The following NRCAM variants were observed in gnomAD, a reference collection of about 807,000 sequenced individuals.
NRCAM encodes the protein NgCAM-related cell adhesion molecule.
NRCAM carries 83 observed loss-of-function variants against 156.5 expected under a neutral mutation model. That is an observed-to-expected ratio of 0.53 (90% CI 0.44 to 0.64). The LOEUF (loss-of-function observed/expected upper bound fraction) is 0.64. Ranked by LOEUF, NRCAM falls within the 30% of genes least tolerant of loss-of-function variation. NRCAM has a pLI of 0.00. For synonymous variants in NRCAM, 538 were observed against 563.9 expected (o/e 0.95, Z 0.65); for missense variants, 1,417 against 1,597.3 (o/e 0.89, Z 1.92).
At chr7:108,166,248 C>CTT (rs1034778488) in intron 30 of NRCAM, among the ~76,000 whole-genome samples, 8 of 130,064 alleles carry the variant, frequency 6.2e-5, no homozygotes, top group South Asian at 2.4e-4. Context: ...TCTTTCTTTT[C>CTT]TTTTTTTTTT....
intron 1 of NRCAM, among the ~76,000 whole-genome samples, chr7:108,408,654 T>A (rs1309715752): frequency 6.6e-6 from 1 of 152,240 alleles, no homozygotes; most frequent in Admixed American, 6.5e-5. Context: ...TATTTAATAT[T>A]AGCTCACATA....
At chr7:108,241,461 G>T (rs780724159) in intron 3 of NRCAM, among the ~76,000 whole-genome samples, 1 of 152,192 alleles carries the variant, frequency 6.6e-6, no homozygotes, top group Non-Finnish European at 1.5e-5. Flanking sequence ...AGGTGGGAGG[G>T]ATGTTATTAT....
At chr7:108,454,756 C>T (rs1854537861) in intron 1 of NRCAM, among the ~76,000 whole-genome samples, 1 of 152,230 alleles carries the variant, frequency 6.6e-6, no homozygotes, top group East Asian at 1.9e-4. Flanking sequence ...ACAACCAATG[C>T]TTCCTGCCTC....
intron 1 of NRCAM, among the ~76,000 whole-genome samples, chr7:108,425,531 A>T (rs1816074489): frequency 1.3e-5 from 2 of 152,190 alleles, no homozygotes; most frequent in Admixed American, 1.3e-4. Context: ...CTCACAATCT[A>T]TTATGAGTCT....
chr7:108,294,918 T>C (rs2098422560), intron 3 of NRCAM, among the ~76,000 whole-genome samples: 1 of 152,206 alleles, frequency 6.6e-6, no homozygotes, highest in Non-Finnish European at 1.5e-5. Flanking sequence ...TCTGGCTCAT[T>C]ATTACATTAG....
chr7:108,363,350 C>T (rs1226855174), intron 2 of NRCAM, among the ~76,000 whole-genome samples: 3 of 152,016 alleles, frequency 2.0e-5, no homozygotes, highest in Non-Finnish European at 2.9e-5. Context: ...CATAGTACGA[C>T]GTTGGCTTCC....
chr7:108,406,112 G>T (rs538848074), intron 1 of NRCAM, among the ~76,000 whole-genome samples: 2 of 152,142 alleles, frequency 1.3e-5, no homozygotes, highest in East Asian at 3.9e-4. Flanking sequence ...TGTGACCATG[G>T]TAAATACTGT....
At chr7:108,368,759 A>C (rs576788782) in intron 2 of NRCAM, among the ~76,000 whole-genome samples, 2 of 152,320 alleles carry the variant, frequency 1.3e-5, no homozygotes, top group East Asian at 3.9e-4. Flanking sequence ...AGCAAATAGC[A>C]TGAGAAACCG....
At chr7:108,228,826 A>G (rs1314662621) in intron 8 of NRCAM, among the ~76,000 whole-genome samples, 1 of 152,238 alleles carries the variant, frequency 6.6e-6, no homozygotes, top group Non-Finnish European at 1.5e-5. Context: ...CATTTGGCTT[A>G]CTACTTATTT....
intron 3 of NRCAM, among the ~76,000 whole-genome samples, chr7:108,257,911 G>A (rs913397388): frequency 1.3e-5 from 2 of 151,886 alleles, no homozygotes; most frequent in African/African-American, 2.4e-5. Flanking sequence ...TCTTCTTCAC[G>A]TGCCACACTG....
intron 1 of NRCAM, among the ~76,000 whole-genome samples, chr7:108,420,526 G>C (rs1463725077): frequency 6.6e-6 from 1 of 152,148 alleles, no homozygotes. Context: ...TTACAAGGGG[G>C]GGAGTTTCTC....
At chr7:108,336,170 C>T (rs1241377054) in intron 2 of NRCAM, among the ~76,000 whole-genome samples, 2 of 152,060 alleles carry the variant, frequency 1.3e-5, no homozygotes, top group African/African-American at 4.8e-5. Context: ...TAATACCATC[C>T]AACTCATTTA....
chr7:108,192,489 C>G lies in NRCAM; in HGVS notation c.1779-636G>C, dbSNP rs2072557071. Among the ~76,000 whole-genome samples, 3 of 152,136 alleles carry G rather than the reference C, an allele frequency of 2.0e-5. No individual in the cohort carries two copies. In the South Asian group the frequency reaches 6.2e-4, roughly 32 times the overall value. On this transcript the variant is annotated intron_variant, in intron 17 of 32. Coordinates refer to ENST00000379028, the MANE Select transcript of NRCAM (RefSeq NM_001037132.4). ...CATCCTGAAGCCATTGTGCCCCCAC[C>G]CTGTCCGTGGAAAAACTGTCTTCCA... is the stretch of plus-strand genomic sequence containing the variant.
rs539178780 is a variant in NRCAM at position 108,230,355 on chromosome 7, C to T, written c.550+676G>A. Among the ~76,000 whole-genome samples, 9 of 152,128 alleles carry T rather than the reference C, an allele frequency of 5.9e-5. No homozygotes were observed. In the South Asian group the frequency reaches 1.9e-3, roughly 32 times the overall value. ...CCAACAAATTTCATCTAGATTACAGCAGTGGCCCCAACAGTCTCTCTACTC... is the reference window on the plus strand; with the variant it reads ...CCAACAAATTTCATCTAGATTACAGTAGTGGCCCCAACAGTCTCTCTACTC... On this transcript the variant is annotated intron_variant, in intron 8 of 32. Coordinates refer to ENST00000379028, the MANE Select transcript of NRCAM (RefSeq NM_001037132.4).
chr7:108,239,832 C>A, intron 4 of NRCAM, 127 bp downstream of exon 4: 1 of 574,914 alleles, frequency 1.7e-6, no homozygotes. Flanking sequence ...AGGTAAAAGC[C>A]AAATTAATTT....
chr7:108,403,889 A>G (rs931237505), intron 1 of NRCAM, among the ~76,000 whole-genome samples: 1 of 152,218 alleles, frequency 6.6e-6, no homozygotes. Context: ...TCTCTGAAGA[A>G]GATCTCAACT....
intron 28 of NRCAM, 21 bp from the exon 29 acceptor site, chr7:108,168,423 TAAAA>T: frequency 6.3e-7 from 1 of 1,576,038 alleles, no homozygotes; most frequent in Non-Finnish European, 8.6e-7. Context: ...AATAGAAAAA[TAAAA>T]CAAACAATCA....
At chr7:108,284,792 C>T (rs1350080298) in intron 3 of NRCAM, among the ~76,000 whole-genome samples, 1 of 152,244 alleles carries the variant, frequency 6.6e-6, no homozygotes, top group Non-Finnish European at 1.5e-5. Context: ...CTTCACTACA[C>T]TTGTTTACAA....
chr7:108,189,718 T>C lies in NRCAM; in HGVS notation c.1962A>G (p.Glu654=). 2 of 1,541,484 alleles carry C rather than the reference T, an allele frequency of 1.3e-6. 1 individual carries two copies. Among genetic ancestry groups the C allele is most frequent in the South Asian group, 2.3e-5 (2 of 88,448 alleles). Reference sequence around the variant, plus strand: ...CACTTTTGTCAAGTTGATCTGTCAGTTCTAAGTCAAAGGGAGGATTTGGGA... The same window carrying C: ...CACTTTTGTCAAGTTGATCTGTCAGCTCTAAGTCAAAGGGAGGATTTGGGA... The part of the protein sequence containing the change: ...YDVPNPPFDL[E]LTDQLDKSVQ... The change falls in exon 20 of 33, where the codon GAA becomes GAG. Residue 654 remains glutamate (E), a synonymous_variant. Coordinates refer to ENST00000379028, the MANE Select transcript of NRCAM (RefSeq NM_001037132.4).
Sources: allele counts gnomAD v4.1 joint callset (sites outside exome capture counted in the v4.1 genomes callset), GRCh38; gene constraint gnomAD v4.1.1; transcripts MANE v1.5; gene names NCBI Gene and HGNC (gene_info 2026-07-23, HGNC 2026-07-21).